The following LRP1B variants were observed in gnomAD, a reference collection of about 807,000 sequenced individuals.
The protein encoded by LRP1B is low-density lipoprotein receptor-related protein 1B.
A neutral mutation model predicts 556.6 loss-of-function variants in LRP1B; 217 were observed. The observed-to-expected ratio is 0.39, with a 90% CI of 0.35 to 0.44. The LOEUF (loss-of-function observed/expected upper bound fraction) is 0.44, where lower values mean the gene tolerates loss of function less well. Ranked by LOEUF, LRP1B falls within the 20% of genes least tolerant of loss-of-function variation. LRP1B has a pLI of 1.00. For synonymous variants in LRP1B, 2,047 were observed against 1,865.8 expected, an observed-to-expected ratio of 1.10 and a Z score of -2.50; for missense variants, 5,053 against 5,620.8, an observed-to-expected ratio of 0.90 and a Z score of 3.23.
chr2:141,417,349 G>A (rs1293142456), intron 3 of LRP1B, among the ~76,000 whole-genome samples: 2 of 152,116 alleles, frequency 1.3e-5, no homozygotes, highest in African/African-American at 2.4e-5. Flanking sequence ...CTTCTGGCAT[G>A]ATTATTTCTG....
Position 140,548,664 on chromosome 2 carries a change from T to C in LRP1B, c.7195-6693A>G, listed in dbSNP as rs189227329. ...ATTGTCAGGCGTGGTGGCTCATGCC[T>C]GTAATCCAAGCATTTTAGGAGGCCA... On this transcript the variant is annotated intron_variant, in intron 43 of 90. Transcript: ENST00000389484. 5.3e-3 allele frequency among the ~76,000 whole-genome samples: 809 copies of C among 152,238 alleles called. 10 individuals are homozygous for C. Among genetic ancestry groups the C allele is most frequent in the African/African-American group, 0.018 (746 of 41,548 alleles).
At chr2:142,124,021 C>A (rs965745043) in intron 1 of LRP1B, among the ~76,000 whole-genome samples, 8 of 151,676 alleles carry the variant, frequency 5.3e-5, no homozygotes, top group Non-Finnish European at 7.4e-5. Flanking sequence ...AGTTATTGAA[C>A]AACAGAAAAA....
At chr2:141,380,728 A>C (rs1323228694) in intron 3 of LRP1B, among the ~76,000 whole-genome samples, 2 of 152,184 alleles carry the variant, frequency 1.3e-5, no homozygotes, top group African/African-American at 4.8e-5. Flanking sequence ...TTCCCCGAGG[A>C]GAGAAGGAGC....
intron 5 of LRP1B, among the ~76,000 whole-genome samples, chr2:141,229,942 C>T (rs1046948193): frequency 6.6e-6 from 1 of 152,130 alleles, no homozygotes; most frequent in Non-Finnish European, 1.5e-5. Flanking sequence ...ACCCCAAGAG[C>T]CAAACAATCA....
chr2:140,910,710 C>A (rs1227704062), intron 21 of LRP1B, among the ~76,000 whole-genome samples: 1 of 151,698 alleles, frequency 6.6e-6, no homozygotes, highest in African/African-American at 2.4e-5. Flanking sequence ...ATATCCCTTT[C>A]AATTAAAAAA....
At chr2:140,798,936 G>A (rs953886616) in intron 32 of LRP1B, among the ~76,000 whole-genome samples, 2 of 152,100 alleles carry the variant, frequency 1.3e-5, no homozygotes, top group African/African-American at 4.8e-5. Flanking sequence ...CAGTTACTAT[G>A]TCTATTAGCA....
intron 59 of LRP1B, among the ~76,000 whole-genome samples, chr2:140,483,613 C>CATATATATATATATATAT (rs1457200554): frequency 1.3e-5 from 1 of 79,738 alleles, no homozygotes; most frequent in Non-Finnish European, 2.4e-5. Flanking sequence ...CACACACACA[C>CATATATATATATATATAT]ACATATATAT....
At chr2:141,046,458 T>C (rs971096344) in intron 11 of LRP1B, among the ~76,000 whole-genome samples, 1 of 152,118 alleles carries the variant, frequency 6.6e-6, no homozygotes, top group Non-Finnish European at 1.5e-5. Context: ...TTCTCTTTAA[T>C]GGAAAGAAAA....
intron 7 of LRP1B, among the ~76,000 whole-genome samples, chr2:141,131,523 C>T (rs1558881925): frequency 6.7e-6 from 1 of 150,014 alleles, no homozygotes; most frequent in East Asian, 1.9e-4. Flanking sequence ...ATGATACTCT[C>T]TTTTTTCCAA....
chr2:142,016,679 G>C (rs1401693157), intron 1 of LRP1B, among the ~76,000 whole-genome samples: 2 of 151,938 alleles, frequency 1.3e-5, no homozygotes, highest in African/African-American at 4.8e-5. Flanking sequence ...GGCCTGTTGG[G>C]GGGTAGGGGC....
chr2:140,303,807 C>A (rs189128981), intron 83 of LRP1B, among the ~76,000 whole-genome samples: 1 of 151,902 alleles, frequency 6.6e-6, no homozygotes, highest in Non-Finnish European at 1.5e-5. Context: ...ATCCCTCCCC[C>A]CCTCCTCCCA....
In LRP1B at chr2:140,495,673, A is replaced by G. The variant is rs775737060; in HGVS notation, c.8926T>C (p.Phe2976Leu). ...CVDIDECSSG[F>L]PCSQQCINTY... ...TTGATGCATTGCTGGCTACAGGGAAAGCCTGAAGAGCATTCATCAATGTCT... is the reference window on the plus strand; with the variant it reads ...TTGATGCATTGCTGGCTACAGGGAAGGCCTGAAGAGCATTCATCAATGTCT... The change falls in exon 56 of 91, where the codon TTT becomes CTT. Residue 2976 changes from phenylalanine (F) to leucine (L), a missense_variant. By Grantham distance (22) the Phe-to-Leu change is conservative (BLOSUM62 0). Coordinates refer to ENST00000389484, the MANE Select transcript of LRP1B (RefSeq NM_018557.3). 5.0e-6 allele frequency: 8 copies of G among 1,614,056 alleles called. No homozygotes were observed. In the South Asian group the frequency reaches 7.7e-5, roughly 16 times the overall value.
intron 60 of LRP1B, among the ~76,000 whole-genome samples, chr2:140,460,020 T>C (rs1220460509): frequency 1.3e-5 from 2 of 152,162 alleles, no homozygotes. Context: ...TCTTTATAAA[T>C]TACCTAGTCT....
chr2:141,846,260 C>T (rs1372918748), intron 1 of LRP1B, among the ~76,000 whole-genome samples: 1 of 151,408 alleles, frequency 6.6e-6, no homozygotes, highest in Non-Finnish European at 1.5e-5. Flanking sequence ...ACCAAGTAGG[C>T]ATTATTACAT....
intron 7 of LRP1B, among the ~76,000 whole-genome samples, chr2:141,096,629 G>GGGGAGAGA (rs1700318118): frequency 1.7e-5 from 1 of 59,744 alleles, no homozygotes; most frequent in African/African-American, 7.3e-5. Flanking sequence ...GGGGAGAGGG[G>GGGGAGAGA]GAGAGAGAGA....
At chr2:140,930,117 G>A (rs114006060) in intron 20 of LRP1B, among the ~76,000 whole-genome samples, 2 of 152,102 alleles carry the variant, frequency 1.3e-5, no homozygotes, top group African/African-American at 4.8e-5. Context: ...TTCAGGGCTT[G>A]GCACACAATC....
chr2:140,778,691 T>C (rs1361964572), intron 32 of LRP1B, among the ~76,000 whole-genome samples: 1 of 152,100 alleles, frequency 6.6e-6, no homozygotes, highest in Non-Finnish European at 1.5e-5. Flanking sequence ...CTATTCACCT[T>C]TAAGAAACTA....
chr2:141,303,523 G>A (rs1013017450), intron 3 of LRP1B, among the ~76,000 whole-genome samples: 3 of 152,040 alleles, frequency 2.0e-5, no homozygotes, highest in Admixed American at 6.5e-5. Flanking sequence ...TCACATATGA[G>A]TGAACCTATG....
intron 34 of LRP1B, among the ~76,000 whole-genome samples, chr2:140,769,805 A>G (rs1689245390): frequency 7.2e-6 from 1 of 139,314 alleles, no homozygotes; most frequent in African/African-American, 2.6e-5. Context: ...TAACTGTATC[A>G]CTGATACTTT....
Sources: allele counts gnomAD v4.1 joint callset (sites outside exome capture counted in the v4.1 genomes callset), GRCh38; gene constraint gnomAD v4.1.1; transcripts MANE v1.5; gene names NCBI Gene and HGNC (gene_info 2026-07-23, HGNC 2026-07-21).